Variants in OPCML observed in about 807,000 individuals in gnomAD.
OPCML encodes opioid-binding protein/cell adhesion molecule.
Under a neutral mutation model 37.8 loss-of-function variants are expected in OPCML, and 13 were observed. The observed-to-expected ratio is 0.34, with a 90% CI of 0.22 to 0.55. The LOEUF (loss-of-function observed/expected upper bound fraction) is 0.55, where lower values mean the gene tolerates loss of function less well. Ranked by LOEUF, OPCML falls within the 20% of genes least tolerant of loss-of-function variation. OPCML has a pLI of 0.91. For synonymous variants in OPCML, 176 were observed against 168.8 expected (o/e 1.04, Z -0.33); for missense variants, 341 against 435.6 (o/e 0.78, Z 1.93).
chr11:133,249,925 G>A (rs1157961796), intron 1 of OPCML, among the ~76,000 whole-genome samples: 3 of 152,144 alleles, frequency 2.0e-5, no homozygotes, highest in African/African-American at 7.2e-5. Flanking sequence ...GCTAGACCAG[G>A]GCTTAAGCCA....
At chr11:132,572,085 G>A (rs1383680333) in intron 3 of OPCML, among the ~76,000 whole-genome samples, 3 of 149,872 alleles carry the variant, frequency 2.0e-5, no homozygotes, top group African/African-American at 7.3e-5. Context: ...GGCTATTCAA[G>A]TATTTAGCCC....
intron 1 of OPCML, among the ~76,000 whole-genome samples, chr11:133,046,105 G>A (rs1948008731): frequency 1.3e-5 from 2 of 152,138 alleles, no homozygotes; most frequent in African/African-American, 4.8e-5. Flanking sequence ...CCCGAGATTC[G>A]ACCTGGGGAA....
intron 4 of OPCML, among the ~76,000 whole-genome samples, chr11:132,446,723 G>A (rs2096056324): frequency 1.3e-5 from 2 of 151,966 alleles, no homozygotes; most frequent in African/African-American, 4.8e-5. Flanking sequence ...AAAGTGAAAT[G>A]AGTTCTGAGA....
intron 3 of OPCML, among the ~76,000 whole-genome samples, chr11:132,627,503 G>A (rs1485986964): frequency 6.6e-6 from 1 of 152,198 alleles, no homozygotes; most frequent in Non-Finnish European, 1.5e-5. Flanking sequence ...CTATGGTGGT[G>A]GAGACAGAGA....
chr11:133,099,117 A>G (rs973686452), intron 1 of OPCML, among the ~76,000 whole-genome samples: 1 of 152,234 alleles, frequency 6.6e-6, no homozygotes, highest in Non-Finnish European at 1.5e-5. Context: ...TAACATATAC[A>G]AGACCTATGT....
chr11:132,925,882 A>C (rs1173473076), intron 2 of OPCML, among the ~76,000 whole-genome samples: 1 of 152,158 alleles, frequency 6.6e-6, no homozygotes, highest in Non-Finnish European at 1.5e-5. Context: ...GTCTCTGTCC[A>C]TGACTCTGTT....
At chr11:132,716,240 A>G (rs1014618143) in intron 2 of OPCML, among the ~76,000 whole-genome samples, 2 of 152,180 alleles carry the variant, frequency 1.3e-5, no homozygotes, top group African/African-American at 4.8e-5. Context: ...CCCTGGTGTC[A>G]CTGACCTGGG....
intron 2 of OPCML, among the ~76,000 whole-genome samples, chr11:132,876,640 T>A (rs1021551681): frequency 6.6e-6 from 1 of 152,150 alleles, no homozygotes; most frequent in African/African-American, 2.4e-5. Flanking sequence ...TAAGCAGAAA[T>A]CTATATCTAA....
At chr11:132,448,756 C>T (rs1435808351) in intron 4 of OPCML, among the ~76,000 whole-genome samples, 2 of 152,188 alleles carry the variant, frequency 1.3e-5, no homozygotes, top group Non-Finnish European at 2.9e-5. Context: ...AACAGTAGAA[C>T]TCAAGGAGGA....
At chr11:133,026,279 G>T in intron 1 of OPCML, 1 of 777,472 alleles carries the variant, frequency 1.3e-6, no homozygotes, top group Non-Finnish European at 1.6e-6. Context: ...TGTAAAAAAT[G>T]GTCAAAATGG....
chr11:133,295,496 G>A (rs11827092), intron 1 of OPCML, among the ~76,000 whole-genome samples: 1 of 152,146 alleles, frequency 6.6e-6, no homozygotes, highest in Non-Finnish European at 1.5e-5. Context: ...TCTTAAGTGT[G>A]TAAGGAAATT....
intron 3 of OPCML, among the ~76,000 whole-genome samples, chr11:132,613,274 G>A (rs776207661): frequency 7.2e-5 from 11 of 152,166 alleles, no homozygotes; most frequent in South Asian, 4.1e-4. Context: ...AACCTTTGCC[G>A]GTGTACAACA....
intron 2 of OPCML, chr11:132,817,020 A>G (rs1939676391): frequency 6.6e-6 from 1 of 152,202 alleles, no homozygotes; most frequent in Non-Finnish European, 1.5e-5. Context: ...CCTTTTGTTG[A>G]CTTCCAGCCT....
At chr11:132,486,469 C>T (rs1374498033) in intron 4 of OPCML, among the ~76,000 whole-genome samples, 1 of 151,742 alleles carries the variant, frequency 6.6e-6, no homozygotes, top group South Asian at 2.1e-4. Context: ...CTTTTATAAT[C>T]TTTTTAGAAA....
At chr11:132,914,168 T>G (rs1186595511) in intron 2 of OPCML, among the ~76,000 whole-genome samples, 1 of 152,156 alleles carries the variant, frequency 6.6e-6, no homozygotes, top group East Asian at 1.9e-4. Context: ...AATGGAGAAG[T>G]CACAAAAGAA....
Position 132,901,007 on chromosome 11 carries a change from C to G in OPCML, c.146+41919G>C, listed in dbSNP as rs367859439. Among the ~76,000 whole-genome samples, 10 of 152,118 alleles carry G rather than the reference C, an allele frequency of 6.6e-5. No homozygotes were observed. In the South Asian group the frequency reaches 2.1e-3, roughly 32 times the overall value. On this transcript the variant is annotated intron_variant, in intron 2 of 7. Transcript: ENST00000524381. ...AGCCTGGCCAACATATAGTGAAACCCCATCTCTACTAAAAATACAAAAATT... is the reference window on the plus strand; with the variant it reads ...AGCCTGGCCAACATATAGTGAAACCGCATCTCTACTAAAAATACAAAAATT...
intron 2 of OPCML, among the ~76,000 whole-genome samples, chr11:132,848,006 A>G (rs1941629601): frequency 6.6e-6 from 1 of 152,190 alleles, no homozygotes; most frequent in Non-Finnish European, 1.5e-5. Context: ...CACAGGGCAG[A>G]TTGCCCTGTG....
At chr11:132,555,168 AT>A (rs1042613415) in intron 3 of OPCML, among the ~76,000 whole-genome samples, 4 of 152,138 alleles carry the variant, frequency 2.6e-5, no homozygotes, top group East Asian at 1.9e-4. Flanking sequence ...AGAAACATGC[AT>A]TTTTTTGATT....
chr11:132,943,786 G>C lies in OPCML; in HGVS notation c.62-776C>G, dbSNP rs1007866840. The C allele has an allele frequency of 6.0e-5, 9 of 150,316 alleles. No homozygotes were observed. Among genetic ancestry groups the C allele is most frequent in the Non-Finnish European group, 1.2e-4 (8 of 67,468 alleles). The allele number at this position is 150,316 out of a possible 1,614,324, so 9.3% of individuals were successfully genotyped here. A position where few individuals can be genotyped will look rare whatever the true frequency, so the allele number is the denominator to read the frequency against. ...CCCGGCGCAGGCTCCGGGCGCACGG[G>C]GAGCTGGGCGGACGGCGGCCCCCGC... On this transcript the variant is annotated intron_variant, in intron 1 of 7. Coordinates refer to ENST00000524381, the MANE Select transcript of OPCML (RefSeq NM_001012393.5). The surrounding 1 kb of genome is among the most constrained non-coding windows in gnomAD (Gnocchi z 4.3).
Sources: gnomAD v4.1 joint callset for allele counts (sites outside exome capture counted in the v4.1 genomes callset) on GRCh38, gnomAD v4.1.1 for gene constraint, Gnocchi (gnomAD v3.1) non-coding constraint, MANE v1.5 for transcripts, NCBI Gene and HGNC (gene_info 2026-07-23, HGNC 2026-07-21) for gene names.